Variants in SLC9C1 observed in about 807,000 individuals in gnomAD.
SLC9C1 encodes sodium/hydrogen exchanger 10.
In SLC9C1, 97 loss-of-function variants were observed where a neutral mutation model predicts 140.9. The observed-to-expected ratio is 0.69, with a 90% confidence interval of 0.58 to 0.82. The LOEUF is 0.82. Among genes scored for constraint, SLC9C1 ranks in the 40% least tolerant of loss-of-function variants. The pLI is 0.00. For synonymous variants in SLC9C1, 440 were observed against 442.6 expected, an observed-to-expected ratio of 0.99 and a Z score of 0.07; for missense variants, 1,340 against 1,389.3, an observed-to-expected ratio of 0.96 and a Z score of 0.56.
chr3:112,217,328 T>C, intron 15 of SLC9C1, 114 bp downstream of exon 15: 1 of 1,252,190 alleles, frequency 8.0e-7, no homozygotes, highest in Non-Finnish European at 1.1e-6. Flanking sequence ...TGTGCACATG[T>C]ACCCTAGCAC....
At chr3:112,211,986 C>T (rs992381462) in intron 15 of SLC9C1, among the ~76,000 whole-genome samples, 3 of 152,254 alleles carry the variant, frequency 2.0e-5, no homozygotes, top group East Asian at 3.9e-4. Context: ...CTCACAAGGC[C>T]GAGTAACCCT....
intron 16 of SLC9C1, among the ~76,000 whole-genome samples, chr3:112,206,372 T>C (rs2078048503): frequency 6.6e-6 from 1 of 152,056 alleles, no homozygotes; most frequent in Non-Finnish European, 1.5e-5. Flanking sequence ...TGTGGAGACA[T>C]AGGAACAGTT....
At chr3:112,234,678 T>C (rs986932112) in intron 12 of SLC9C1, among the ~76,000 whole-genome samples, 9 of 152,226 alleles carry the variant, frequency 5.9e-5, no homozygotes, top group Non-Finnish European at 1.2e-4. Flanking sequence ...AGGTATCCAG[T>C]TTCAGCTTTC....
At position 112,271,467 on chromosome 3, in the gene SLC9C1, A is replaced by T. The variant is rs575038522; in HGVS notation, c.614-1390T>A. 4.0e-3 allele frequency among the ~76,000 whole-genome samples: 594 copies of T among 147,898 alleles called. 6 individuals carry two copies. The highest frequency in any genetic ancestry group is 0.013 in the African/African-American group (546 of 40,746). On this transcript the variant is annotated intron_variant, in intron 6 of 28. Coordinates refer to ENST00000305815, the MANE Select transcript of SLC9C1 (RefSeq NM_183061.3). ...ACATTATGATTTGTCCATTAAAACTAATATTAATAAAAATAGCTCATTGTC... is the reference window on the plus strand; with the variant it reads ...ACATTATGATTTGTCCATTAAAACTTATATTAATAAAAATAGCTCATTGTC...
intron 26 of SLC9C1, among the ~76,000 whole-genome samples, chr3:112,162,879 C>T (rs1269954450): frequency 2.1e-3 from 287 of 133,672 alleles, no homozygotes; most frequent in Non-Finnish European, 3.1e-3. Flanking sequence ...TGGTAGAATT[C>T]GGCTGTGAAT....
chr3:112,155,758 T>C (rs1351340027), intron 26 of SLC9C1, among the ~76,000 whole-genome samples: 3 of 151,944 alleles, frequency 2.0e-5, no homozygotes, highest in Admixed American at 2.0e-4. Flanking sequence ...GGAGAGGAGG[T>C]AGCAGGTGAA....
intron 13 of SLC9C1, among the ~76,000 whole-genome samples, chr3:112,221,521 T>C (rs1399426915): frequency 1.3e-5 from 2 of 152,026 alleles, no homozygotes; most frequent in Non-Finnish European, 2.9e-5. Flanking sequence ...GCAAGCTATA[T>C]CCACATCTCA....
rs1379799943 is a variant in SLC9C1, at chr3:112,180,592, A to G, written c.2720T>C (p.Ile907Thr). Residue 907 changes from isoleucine to threonine, a missense_variant, in exon 22 of 29, where the codon ATC (isoleucine) becomes ACC (threonine). Coordinates refer to ENST00000305815, the MANE Select transcript of SLC9C1 (RefSeq NM_183061.3). The part of the protein sequence containing the change: ...IFEEGDEPKG[I>T]YIIISGMVKL... ...TACCATGCCTGAAATAATGATATAG[A>G]TTCCTTTGGGCTCATCACCTTCTTC... 1.2e-6 allele frequency: 2 copies of G among 1,611,562 alleles called. No individual in the cohort carries two copies. The highest frequency in any genetic ancestry group is 2.7e-5 in the African/African-American group (2 of 74,852).
chr3:112,166,172 C>G (rs2077130447), intron 26 of SLC9C1, among the ~76,000 whole-genome samples: 1 of 152,190 alleles, frequency 6.6e-6, no homozygotes, highest in Non-Finnish European at 1.5e-5. Context: ...GTCTGTCACC[C>G]CTTTCTTTGA....
chr3:112,159,584 G>C (rs193190608), intron 26 of SLC9C1, among the ~76,000 whole-genome samples: 43 of 152,114 alleles, frequency 2.8e-4, no homozygotes, highest in Admixed American at 2.4e-3. Flanking sequence ...CTCATTTGGT[G>C]TAGGGTCTAG....
intron 10 of SLC9C1, among the ~76,000 whole-genome samples, chr3:112,249,292 A>G (rs946868259): frequency 1.3e-5 from 2 of 151,258 alleles, no homozygotes; most frequent in African/African-American, 4.9e-5. Context: ...CATCCAAAGG[A>G]TAAAGCCTAC....
At chr3:112,262,720 T>C (rs1408658839) in intron 10 of SLC9C1, among the ~76,000 whole-genome samples, 1 of 151,874 alleles carries the variant, frequency 6.6e-6, no homozygotes, top group Non-Finnish European at 1.5e-5. Context: ...TAAGTTTTAA[T>C]TACTTTGATC....
intron 13 of SLC9C1, among the ~76,000 whole-genome samples, chr3:112,229,593 G>C (rs188678728): frequency 2.6e-5 from 4 of 151,906 alleles, no homozygotes; most frequent in Admixed American, 2.6e-4. Context: ...CAAGCAAAAG[G>C]GTGTATAGAT....
chr3:112,272,318 A>G (rs2080100174), intron 6 of SLC9C1, among the ~76,000 whole-genome samples: 1 of 152,234 alleles, frequency 6.6e-6, no homozygotes, highest in Non-Finnish European at 1.5e-5. Context: ...TAAGCCAGGA[A>G]AAGTCTCAAA....
intron 26 of SLC9C1, among the ~76,000 whole-genome samples, chr3:112,160,937 T>C (rs1039318074): frequency 6.6e-6 from 1 of 152,132 alleles, no homozygotes; most frequent in African/African-American, 2.4e-5. Context: ...ACCTGTTGTT[T>C]CCTGACTTTT....
At chr3:112,214,605 T>C (rs532174313) in intron 15 of SLC9C1, among the ~76,000 whole-genome samples, 2 of 151,884 alleles carry the variant, frequency 1.3e-5, no homozygotes, top group African/African-American at 4.8e-5. Flanking sequence ...AACTAGAAAA[T>C]CTACAAGAAA....
chr3:112,160,023 G>A (rs1424557746), intron 26 of SLC9C1, among the ~76,000 whole-genome samples: 3 of 151,540 alleles, frequency 2.0e-5, no homozygotes, highest in African/African-American at 4.8e-5. Flanking sequence ...ATTAAGCCAT[G>A]CTTTATCTTT....
At chr3:112,281,329 C>T (rs1252269779) in intron 2 of SLC9C1, among the ~76,000 whole-genome samples, 1 of 152,114 alleles carries the variant, frequency 6.6e-6, no homozygotes, top group Non-Finnish European at 1.5e-5. Context: ...GGACCAAAAT[C>T]GAGGTGAATC....
intron 6 of SLC9C1, among the ~76,000 whole-genome samples, chr3:112,274,620 C>T (rs116413226): frequency 0.012 from 1,838 of 152,264 alleles, 26 homozygotes; most frequent in Non-Finnish European, 0.019. Flanking sequence ...AAGAATATCC[C>T]TCATTCTGGT....
Sources: allele counts gnomAD v4.1 joint callset (sites outside exome capture counted in the v4.1 genomes callset), GRCh38; gene constraint gnomAD v4.1.1; transcripts MANE v1.5; gene names NCBI Gene and HGNC (gene_info 2026-07-23, HGNC 2026-07-21).